ELK3: variants seen among roughly 807,000 people sequenced by gnomAD.
ELK3 encodes the protein ETS domain-containing protein Elk-3.
In ELK3, 10 loss-of-function variants were observed where a neutral mutation model predicts 28.9. The ratio of observed to expected loss-of-function variants is 0.35; its 90% CI spans 0.21 to 0.59. The LOEUF is 0.59. ELK3 is among the 20% of genes least tolerant of loss of function. The pLI is 0.82. For synonymous variants in ELK3, 272 were observed against 243.5 expected (o/e 1.12, Z -1.09); for missense variants, 463 against 517.3 (o/e 0.90, Z 1.02).
intron 2 of ELK3, among the ~76,000 whole-genome samples, chr12:96,238,343 G>A (rs1460790501): frequency 6.6e-6 from 1 of 152,210 alleles, no homozygotes; most frequent in African/African-American, 2.4e-5. Flanking sequence ...TGAGCCCCGT[G>A]TAGATGTTCA....
At chr12:96,257,991 C>T (rs1951964193) in intron 3 of ELK3, among the ~76,000 whole-genome samples, 1 of 152,218 alleles carries the variant, frequency 6.6e-6, no homozygotes, top group South Asian at 2.1e-4. Context: ...TTTCTATATG[C>T]CAGGCACATA....
At chr12:96,229,682 C>T (rs1471738504) in intron 2 of ELK3, among the ~76,000 whole-genome samples, 1 of 152,086 alleles carries the variant, frequency 6.6e-6, no homozygotes, top group Non-Finnish European at 1.5e-5. Context: ...CAGGCATGTG[C>T]CACCACACCT....
At chr12:96,259,583 C>A in intron 3 of ELK3, 148 bp from the exon 4 acceptor site, 1 of 839,576 alleles carries the variant, frequency 1.2e-6, no homozygotes, top group Non-Finnish European at 1.8e-6. Flanking sequence ...TTCACAGCCC[C>A]TCAGAATTAA....
chr12:96,207,685 A>G (rs540936594), intron 1 of ELK3, among the ~76,000 whole-genome samples: 53 of 152,358 alleles, frequency 3.5e-4, no homozygotes, highest in African/African-American at 1.1e-3. Context: ...TCCCTCGGTC[A>G]TGAATACCAG....
rs1406203915 is a variant in ELK3, at chr12:96,268,008, C to T, written c.*828C>T. 2.6e-5 allele frequency: 4 copies of T among 152,152 alleles called. No homozygotes were observed. Among genetic ancestry groups the T allele is most frequent in the Non-Finnish European group, 5.9e-5 (4 of 68,016 alleles). The allele number at this position is 152,152 out of a possible 1,614,324, so 9.4% of individuals were successfully genotyped here. On this transcript the variant is annotated 3_prime_UTR_variant, in exon 5 of 5. Coordinates refer to ENST00000228741, the MANE Select transcript of ELK3 (RefSeq NM_005230.4). The stretch of plus-strand genomic sequence containing the variant: ...AGAATATCTCCTAGGTTAGCATATT[C>T]TTATTTCAAAAAATTAGCCCTGGTT...
At chr12:96,266,540 ACTTT>A (rs1330443481) in intron 4 of ELK3, among the ~76,000 whole-genome samples, 1 of 152,156 alleles carries the variant, frequency 6.6e-6, no homozygotes, top group African/African-American at 2.4e-5. Flanking sequence ...TAATTAGAAT[ACTTT>A]CTTAGCTCCA....
At chr12:96,208,692 C>G (rs1043364678) in intron 1 of ELK3, among the ~76,000 whole-genome samples, 1 of 152,214 alleles carries the variant, frequency 6.6e-6, no homozygotes, top group African/African-American at 2.4e-5. Flanking sequence ...ATGAGATGCA[C>G]TGTGGCCTTG....
intron 2 of ELK3, among the ~76,000 whole-genome samples, chr12:96,228,540 A>G (rs1044282578): frequency 6.6e-6 from 1 of 151,826 alleles, no homozygotes; most frequent in African/African-American, 2.4e-5. Context: ...CTTAGGACCT[A>G]TCAGGAGCAC....
chr12:96,264,457 A>G (rs1952014922), intron 4 of ELK3, among the ~76,000 whole-genome samples: 1 of 152,202 alleles, frequency 6.6e-6, no homozygotes, highest in South Asian at 2.1e-4. Context: ...AAAGATTACT[A>G]AGTGATTAAC....
At chr12:96,219,857 C>T (rs117131803) in intron 1 of ELK3, among the ~76,000 whole-genome samples, 161 of 152,246 alleles carry the variant, frequency 1.1e-3, no homozygotes, top group East Asian at 6.9e-3. Flanking sequence ...GCCCAGTCAT[C>T]GAAACTGGTG....
chr12:96,237,209 T>C (rs1951791061), intron 2 of ELK3, among the ~76,000 whole-genome samples: 1 of 152,070 alleles, frequency 6.6e-6, no homozygotes, highest in Non-Finnish European at 1.5e-5. Flanking sequence ...ACTGCAGCGG[T>C]GGGTGGGGGA....
chr12:96,254,443 C>CT (rs1951931623), intron 3 of ELK3, among the ~76,000 whole-genome samples: 1 of 152,176 alleles, frequency 6.6e-6, no homozygotes, highest in Non-Finnish European at 1.5e-5. Flanking sequence ...ACTACAGTTG[C>CT]TTGTTTTTAT....
chr12:96,266,197 ATATAAG>A (rs1452233232), intron 4 of ELK3, among the ~76,000 whole-genome samples: 3 of 151,738 alleles, frequency 2.0e-5, no homozygotes, highest in Non-Finnish European at 2.9e-5. Flanking sequence ...ATTTACTTAA[ATATAAG>A]TATTTGTTGT....
At chr12:96,211,352 G>A (rs969480166) in intron 1 of ELK3, among the ~76,000 whole-genome samples, 1 of 152,084 alleles carries the variant, frequency 6.6e-6, no homozygotes, top group Non-Finnish European at 1.5e-5. Flanking sequence ...GTTATTTTTA[G>A]AGTTTTATAA....
intron 1 of ELK3, among the ~76,000 whole-genome samples, chr12:96,222,404 T>C (rs1311260768): frequency 6.6e-6 from 1 of 152,152 alleles, no homozygotes; most frequent in Non-Finnish European, 1.5e-5. Flanking sequence ...ACATTGTATA[T>C]ATAGGTTTTT....
At chr12:96,259,663 C>G (rs1053081596) in intron 3 of ELK3, 68 bp from the exon 4 acceptor site, 2 of 1,528,938 alleles carry the variant, frequency 1.3e-6, no homozygotes, top group African/African-American at 2.7e-5. Flanking sequence ...CCTCTCTCTG[C>G]TGCTCTGTTG....
At chr12:96,246,358 A>AGT (rs1951855185) in intron 2 of ELK3, among the ~76,000 whole-genome samples, 1 of 152,238 alleles carries the variant, frequency 6.6e-6, no homozygotes, top group African/African-American at 2.4e-5. Context: ...CCATCCACAT[A>AGT]GTAAAGGCTT....
In ELK3 at chr12:96,204,543, G is replaced by T. The variant is rs189514014; in HGVS notation, c.-3+9838G>T. On this transcript the variant is annotated intron_variant, in intron 1 of 4. Coordinates refer to ENST00000228741, the MANE Select transcript of ELK3 (RefSeq NM_005230.4). The stretch of plus-strand genomic sequence containing the variant: ...ACTAAGCGGAATGTATGATTAAGGA[G>T]ATTTTTCTCCTTGCACGTAATTGTC... Among the ~76,000 whole-genome samples the T allele has an allele frequency of 3.9e-4, 60 of 152,308 alleles. No homozygotes were observed. In the East Asian group the frequency reaches 6.6e-3, roughly 17 times the overall value.
chr12:96,201,486 G>A (rs938834014), intron 1 of ELK3, among the ~76,000 whole-genome samples: 4 of 150,512 alleles, frequency 2.7e-5, no homozygotes, highest in Admixed American at 6.7e-5. Context: ...GGTGGTGCGT[G>A]CCAGTAGTCC....
Sources: gnomAD v4.1 joint callset for allele counts (sites outside exome capture counted in the v4.1 genomes callset) on GRCh38, gnomAD v4.1.1 for gene constraint, MANE v1.5 for transcripts, NCBI Gene and HGNC (gene_info 2026-07-23, HGNC 2026-07-21) for gene names.